Variants in CYB5R3 observed in about 807,000 individuals in gnomAD.
The protein encoded by CYB5R3 is NADH-cytochrome b5 reductase 3.
Under a neutral mutation model 36.5 loss-of-function variants are expected in CYB5R3, and 28 were observed. The observed-to-expected ratio is 0.77, with a 90% CI of 0.57 to 1.05. The LOEUF (loss-of-function observed/expected upper bound fraction) is 1.05. CYB5R3 is among the 50% of genes least tolerant of loss of function. The probability of loss-of-function intolerance (pLI) is 0.00; values close to 1 mark genes in which losing one functional copy is unlikely to be tolerated. For missense variants in CYB5R3, 474 were observed against 408.9 expected (o/e 1.16, Z -1.37); for synonymous variants, 181 against 159.8 (o/e 1.13, Z -1.00).
intron 1 of CYB5R3, chr22:42,646,561 C>T (rs1053895161): frequency 2.8e-5 from 22 of 787,252 alleles, no homozygotes; most frequent in Middle Eastern, 1.3e-3. Context: ...CCAGGGCCCC[C>T]GACCTGGCAG....
Position 42,649,329 on chromosome 22 carries a change from C to T in CYB5R3, c.-14G>A. 9.9e-7 allele frequency: 1 copy of T among 1,010,228 alleles called. No homozygotes were observed. Among genetic ancestry groups the T allele is most frequent in the Non-Finnish European group, 1.2e-6 (1 of 837,522 alleles). The allele number at this position is 1,010,228 out of a possible 1,614,324, so 62.6% of individuals were successfully genotyped here. ...CTGGGCCCCCATGGTGGCCCCGCGC[C>T]GCGCTCGCTCTGTCGCCGCCGCCGC... On this transcript the variant is annotated 5_prime_UTR_variant, in exon 1 of 9. Transcript: ENST00000352397.
rs1927772425 is a variant in CYB5R3 at position 42,618,704 on chromosome 22, T to C, written c.*1069A>G. ...GCCTGGGTGACAAAGGGAGACTCCG[T>C]CTCAAAAAAAAAAAAAAAAGAAAAA... On this transcript the variant is annotated 3_prime_UTR_variant, in exon 9 of 9. Coordinates refer to ENST00000352397, the MANE Select transcript of CYB5R3 (RefSeq NM_000398.7). 1.7e-5 allele frequency: 2 copies of C among 117,598 alleles called. No individual in the cohort carries two copies. The highest frequency in any genetic ancestry group is 2.6e-4 in the South Asian group (1 of 3,886). 7.3% of individuals were successfully genotyped at this position (117,598 alleles called of 1,614,324 possible).
intron 4 of CYB5R3, among the ~76,000 whole-genome samples, chr22:42,628,876 C>G (rs1005903707): frequency 6.6e-6 from 1 of 152,102 alleles, no homozygotes; most frequent in Non-Finnish European, 1.5e-5. Context: ...GGGGGAGGGA[C>G]AGCGTGTACA....
chr22:42,631,565 T>C, intron 2 of CYB5R3, 115 bp from the exon 3 acceptor site: 1 of 892,654 alleles, frequency 1.1e-6, no homozygotes, highest in Non-Finnish European at 1.8e-6. Flanking sequence ...CCTTCCCCAG[T>C]GCCTGCTTGT....
chr22:42,624,391 A>C (rs1411699208), intron 7 of CYB5R3, among the ~76,000 whole-genome samples: 1 of 152,102 alleles, frequency 6.6e-6, no homozygotes, highest in Non-Finnish European at 1.5e-5. Flanking sequence ...AGAAACCAGG[A>C]AGTACAGACA....
At chr22:42,637,362 C>G (rs1928953941) in intron 1 of CYB5R3, among the ~76,000 whole-genome samples, 1 of 152,152 alleles carries the variant, frequency 6.6e-6, no homozygotes, top group African/African-American at 2.4e-5. Flanking sequence ...TCTATGGCAC[C>G]TTTAAATCCA....
Position 42,628,202 on chromosome 22 carries a change from TC to T in CYB5R3, c.412del (p.Asp138ThrfsTer35). 4 of 1,614,018 alleles carry T rather than the reference TC, an allele frequency of 2.5e-6. No homozygotes were observed. The highest frequency in any genetic ancestry group is 3.4e-6 in the Non-Finnish European group (4 of 1,179,974). ...SQYLESMQIG[D>X]TIEFRGPSGL... is the part of the protein sequence containing the mutation. ...ACTGGGGCCCCGGAACTCAATGGTGTCTCCAATCTGCATGCTCTCCAGGTAC... is the reference window on the plus strand; with the variant it reads ...ACTGGGGCCCCGGAACTCAATGGTGTTCCAATCTGCATGCTCTCCAGGTAC... On this transcript the variant is annotated frameshift_variant, in exon 5 of 9. Transcript: ENST00000352397. LOFTEE classifies it high-confidence loss of function.
chr22:42,649,344 G>T lies in CYB5R3; in HGVS notation c.-29C>A. The T allele has an allele frequency of 3.6e-6, 3 of 828,596 alleles. No individual in the cohort carries two copies. Among genetic ancestry groups the T allele is most frequent in the Non-Finnish European group, 4.4e-6 (3 of 675,482 alleles). 51.3% of individuals were successfully genotyped at this position (828,596 alleles called of 1,614,324 possible). A position where few individuals can be genotyped will look rare whatever the true frequency, so the allele number is the denominator to read the frequency against. ...GGCCCCGCGCCGCGCTCGCTCTGTC[G>T]CCGCCGCCGCCGCCGCCGAGACCGT... is the stretch of plus-strand genomic sequence containing the variant. On this transcript the variant is annotated 5_prime_UTR_variant, in exon 1 of 9. Transcript: ENST00000352397.
At chr22:42,643,449 C>T (rs996674424) in intron 1 of CYB5R3, among the ~76,000 whole-genome samples, 1 of 135,854 alleles carries the variant, frequency 7.4e-6, no homozygotes, top group African/African-American at 2.7e-5. Flanking sequence ...CCCCGCCCCC[C>T]CACCCCCCAC....
In CYB5R3 at chr22:42,638,487, T is replaced by G. The variant is rs568095190; in HGVS notation, c.22-1641A>C. ...CAGATGGCAGAGGCAGAAGATTGCTTGAGCCCAGTAGTTCGCGACCAGCCT... is the reference window on the plus strand; with the variant it reads ...CAGATGGCAGAGGCAGAAGATTGCTGGAGCCCAGTAGTTCGCGACCAGCCT... On this transcript the variant is annotated intron_variant, in intron 1 of 8. Coordinates refer to ENST00000352397, the MANE Select transcript of CYB5R3 (RefSeq NM_000398.7). Among the ~76,000 whole-genome samples the G allele has an allele frequency of 3.4e-5, 5 of 146,108 alleles. No homozygotes were observed. The South Asian group carries it at 6.6e-4, about 19-fold the overall frequency.
intron 1 of CYB5R3, among the ~76,000 whole-genome samples, chr22:42,645,273 T>C (rs539255694): frequency 3.5e-4 from 54 of 152,156 alleles, no homozygotes; most frequent in African/African-American, 1.3e-3. Context: ...ACTCAACAAA[T>C]ATTTGTGGAA....
At chr22:42,632,641 C>T (rs1928680425) in intron 2 of CYB5R3, 1 of 152,300 alleles carries the variant, frequency 6.6e-6, no homozygotes, top group Non-Finnish European at 1.5e-5. Context: ...AACAGAGCCC[C>T]AAGGCCTTCT....
At chr22:42,640,306 T>G in intron 1 of CYB5R3, 1 of 1,527,004 alleles carries the variant, frequency 6.5e-7, no homozygotes, top group Non-Finnish European at 8.8e-7. Context: ...TCATCCCGAA[T>G]GGCCAGCTGA....
rs933004238 is a variant in CYB5R3, at chr22:42,628,817, G to A, written c.334-536C>T. Among the ~76,000 whole-genome samples, 8 of 152,308 alleles carry A rather than the reference G, an allele frequency of 5.3e-5. No individual in the cohort carries two copies. The South Asian group carries it at 6.2e-4, about 12-fold the overall frequency. ...AGAAATGGGGAGACAGAGGAGGAGC[G>A]GCTCACCCTGCCCAAGGAGTCTGAT... On this transcript the variant is annotated intron_variant, in intron 4 of 8. Transcript: ENST00000352397.
Position 42,625,419 on chromosome 22 carries a change from A to G in CYB5R3, c.634-1531T>C, listed in dbSNP as rs542718539. Among the ~76,000 whole-genome samples, 130 of 152,274 alleles carry G rather than the reference A, an allele frequency of 8.5e-4. 1 individual carries two copies. Among genetic ancestry groups the G allele is most frequent in the African/African-American group, 3.0e-3 (124 of 41,542 alleles). Reference sequence around the variant, plus strand: ...GCTACTCAGGTAGCTGAGGCAGGACAATCGCTTGAACCCGGGAGGCGGAGG... The same window carrying G: ...GCTACTCAGGTAGCTGAGGCAGGACGATCGCTTGAACCCGGGAGGCGGAGG... On this transcript the variant is annotated intron_variant, in intron 7 of 8. Coordinates refer to ENST00000352397, the MANE Select transcript of CYB5R3 (RefSeq NM_000398.7).
At chr22:42,625,888 G>A (rs1002829522) in intron 7 of CYB5R3, among the ~76,000 whole-genome samples, 2 of 152,194 alleles carry the variant, frequency 1.3e-5, no homozygotes, top group East Asian at 1.9e-4. Context: ...CAGAGGCTGC[G>A]TGACTGGCAA....
Position 42,649,332 on chromosome 22 carries a change from G to A in CYB5R3, c.-17C>T. 4 of 1,008,304 alleles carry A rather than the reference G, an allele frequency of 4.0e-6. No individual in the cohort carries two copies. The highest frequency in any genetic ancestry group is 4.8e-6 in the Non-Finnish European group (4 of 833,758). 62.5% of individuals were successfully genotyped at this position (1,008,304 alleles called of 1,614,324 possible). ...GGCCCCCATGGTGGCCCCGCGCCGCGCTCGCTCTGTCGCCGCCGCCGCCGC... is the reference window on the plus strand; with the variant it reads ...GGCCCCCATGGTGGCCCCGCGCCGCACTCGCTCTGTCGCCGCCGCCGCCGC... On this transcript the variant is annotated 5_prime_UTR_variant, in exon 1 of 9. Coordinates refer to ENST00000352397, the MANE Select transcript of CYB5R3 (RefSeq NM_000398.7).
rs1927717295 is a variant in CYB5R3, at chr22:42,618,025, C to T, written c.*1748G>A. 6.6e-6 allele frequency: 1 copy of T among 152,354 alleles called. No homozygotes were observed. Among genetic ancestry groups the T allele is most frequent in the Non-Finnish European group, 1.5e-5 (1 of 68,166 alleles). The allele number at this position is 152,354 out of a possible 1,614,324, so 9.4% of individuals were successfully genotyped here. ...AAGAACAGCCCCACACCCACCTTGC[C>T]TCATCACCTCTGTAATTTACCACCA... On this transcript the variant is annotated 3_prime_UTR_variant, in exon 9 of 9. Coordinates refer to ENST00000352397, the MANE Select transcript of CYB5R3 (RefSeq NM_000398.7).
chr22:42,631,202 C>CTGG, intron 3 of CYB5R3, 176 bp downstream of exon 3: 1 of 766,976 alleles, frequency 1.3e-6, no homozygotes, highest in Non-Finnish European at 2.2e-6. Flanking sequence ...GCCAGGGACT[C>CTGG]TGGGCCTTCC....
Sources: gnomAD v4.1 joint callset for allele counts (sites outside exome capture counted in the v4.1 genomes callset) on GRCh38, gnomAD v4.1.1 for gene constraint, MANE v1.5 for transcripts, NCBI Gene and HGNC (gene_info 2026-07-23, HGNC 2026-07-21) for gene names.